The following GPR157 variants were observed in gnomAD, a reference collection of about 807,000 sequenced individuals.
GPR157 encodes G-protein coupled receptor 157.
Under a neutral mutation model 23.5 loss-of-function variants are expected in GPR157, and 16 were observed. The ratio of observed to expected loss-of-function variants is 0.68; its 90% confidence interval spans 0.46 to 1.04. The LOEUF is 1.04. Among genes scored for constraint, GPR157 ranks in the 50% least tolerant of loss-of-function variants. The pLI is 0.00. For synonymous variants in GPR157, 200 were observed against 221.5 expected (o/e 0.90, Z 0.86); for missense variants, 440 against 460.7 (o/e 0.96, Z 0.41).
intron 1 of GPR157, among the ~76,000 whole-genome samples, chr1:9,122,578 C>A (rs1162012964): frequency 6.6e-6 from 1 of 152,118 alleles, no homozygotes; most frequent in Non-Finnish European, 1.5e-5. Flanking sequence ...GTCCAAGTTG[C>A]TGGCCACCAG....
chr1:9,106,554 C>A (rs1638338277), intron 2 of GPR157, among the ~76,000 whole-genome samples: 1 of 152,270 alleles, frequency 6.6e-6, no homozygotes, highest in South Asian at 2.1e-4. Flanking sequence ...GGGCTCCGCA[C>A]TGGCTGCTCC....
Position 9,105,671 on chromosome 1 carries a change from G to A in GPR157, c.607C>T (p.Leu203Phe), listed in dbSNP as rs1249480443. The A allele has an allele frequency of 2.5e-6, 4 of 1,608,596 alleles. No homozygotes were observed. The highest frequency in any genetic ancestry group is 3.4e-6 in the Non-Finnish European group (4 of 1,177,116). The change falls in exon 3 of 4, where the codon CTC (leucine) becomes TTC (phenylalanine). Residue 203 changes from leucine to phenylalanine, a missense_variant. Leu to Phe is a conservative substitution (Grantham distance 22). Transcript: ENST00000377411. This position sits in a 1 kb window ranked among gnomAD's most constrained non-coding sequence, Gnocchi z 4.8. ...RKHINRAHTA[L>F]SEYRPILSQE... ...GAGAGGATGGGCCGGTACTCAGAGAGTGCCGTGTGCTGTGTGGGGACAGCG... is the reference window on the plus strand; with the variant it reads ...GAGAGGATGGGCCGGTACTCAGAGAATGCCGTGTGCTGTGTGGGGACAGCG...
At chr1:9,125,021 A>G (rs1262369219) in intron 1 of GPR157, among the ~76,000 whole-genome samples, 2 of 151,896 alleles carry the variant, frequency 1.3e-5, no homozygotes, top group African/African-American at 4.8e-5. Context: ...CCCCTGTTGG[A>G]CCCAGCTTTC....
At chr1:9,106,919 G>A (rs565522026) in intron 2 of GPR157, among the ~76,000 whole-genome samples, 47 of 152,214 alleles carry the variant, frequency 3.1e-4, no homozygotes, top group Admixed American at 5.9e-4. Context: ...AGCCAAGATC[G>A]CGCCACTGCA....
chr1:9,115,786 A>C (rs902808923), intron 1 of GPR157, among the ~76,000 whole-genome samples: 7 of 151,308 alleles, frequency 4.6e-5, no homozygotes, highest in African/African-American at 1.7e-4. Flanking sequence ...TTAAGTCTAG[A>C]TCAGGGGTCC....
intron 1 of GPR157, 72 bp from the exon 2 acceptor site, chr1:9,111,561 T>C (rs1185457167): frequency 3.1e-6 from 4 of 1,274,428 alleles, no homozygotes; most frequent in Non-Finnish European, 4.5e-6. Flanking sequence ...TTCGCAAAAA[T>C]GACGGAGGAC....
At chr1:9,117,373 G>C (rs998355655) in intron 1 of GPR157, among the ~76,000 whole-genome samples, 1 of 152,166 alleles carries the variant, frequency 6.6e-6, no homozygotes, top group Non-Finnish European at 1.5e-5. Flanking sequence ...TCCAGCCAGG[G>C]GGCCACCCTG....
At chr1:9,122,652 A>G (rs1258332839) in intron 1 of GPR157, among the ~76,000 whole-genome samples, 1 of 152,132 alleles carries the variant, frequency 6.6e-6, no homozygotes, top group Non-Finnish European at 1.5e-5. Context: ...ACCTGAACCC[A>G]CTTATGAGGA....
At chr1:9,122,093 G>A (rs1407504935) in intron 1 of GPR157, among the ~76,000 whole-genome samples, 3 of 152,136 alleles carry the variant, frequency 2.0e-5, no homozygotes, top group Non-Finnish European at 2.9e-5. Flanking sequence ...GCCCACCACC[G>A]TGAGGGGAGG....
chr1:9,123,352 AATTTAAATATAT>A (rs1557700880), intron 1 of GPR157, among the ~76,000 whole-genome samples: 1 of 24,414 alleles, frequency 4.1e-5, no homozygotes, highest in African/African-American at 1.4e-4. Context: ...ATATATATTT[AATTTAAATATAT>A]ATTTAAATTA....
At chr1:9,116,556 C>T (rs1319952306) in intron 1 of GPR157, among the ~76,000 whole-genome samples, 1 of 145,314 alleles carries the variant, frequency 6.9e-6, no homozygotes, top group Non-Finnish European at 1.5e-5. Context: ...GCCTGACCAA[C>T]ATGGTGAAAC....
At chr1:9,126,808 T>A (rs1359193214) in intron 1 of GPR157, among the ~76,000 whole-genome samples, 1 of 152,218 alleles carries the variant, frequency 6.6e-6, no homozygotes, top group Non-Finnish European at 1.5e-5. Context: ...TGGATACAGA[T>A]AATTTTATTT....
At position 9,116,731 on chromosome 1, in the gene GPR157, A is replaced by C. The variant is rs549010975; in HGVS notation, c.384-5242T>G. Among the ~76,000 whole-genome samples the C allele has an allele frequency of 3.6e-5, 4 of 110,010 alleles. No homozygotes were observed. In the South Asian group the frequency reaches 1.1e-3, roughly 31 times the overall value. The allele number at this position is 110,010 out of a possible 152,430, so 72.2% of individuals were successfully genotyped here. ...TGCACTCCAGCCTGGGTGACAGAGG[A>C]AAAAAAAAAAAAAAGCATTATTATT... On this transcript the variant is annotated intron_variant, in intron 1 of 3. Coordinates refer to ENST00000377411, the MANE Select transcript of GPR157 (RefSeq NM_024980.5).
Position 9,128,901 on chromosome 1 carries a change from G to A in GPR157, c.127C>T (p.Arg43Cys). ...VATHALWPDL[R>C]SRARRLLLFL... ...AGCAGCAGGCGCCGTGCCCGGCTGCGCAGGTCGGGCCACAGGGCGTGCGTG... is the reference window on the plus strand; with the variant it reads ...AGCAGCAGGCGCCGTGCCCGGCTGCACAGGTCGGGCCACAGGGCGTGCGTG... Residue 43 changes from arginine (R) to cysteine (C), a missense_variant, in exon 1 of 4, where the codon CGC becomes TGC. Arg to Cys is a radical substitution (Grantham distance 180). Coordinates refer to ENST00000377411, the MANE Select transcript of GPR157 (RefSeq NM_024980.5). The surrounding 1 kb of genome is among the most constrained non-coding windows in gnomAD (Gnocchi z 6.3). The A allele has an allele frequency of 2.6e-6, 4 of 1,549,730 alleles. No homozygotes were observed. Among genetic ancestry groups the A allele is most frequent in the East Asian group, 4.9e-5 (2 of 41,112 alleles).
chr1:9,124,586 C>A (rs1638925378), intron 1 of GPR157, among the ~76,000 whole-genome samples: 1 of 152,162 alleles, frequency 6.6e-6, no homozygotes, highest in Non-Finnish European at 1.5e-5. Context: ...TAAACGCCCT[C>A]ACCTATAAAC....
chr1:9,113,517 C>A (rs949444567), intron 1 of GPR157, among the ~76,000 whole-genome samples: 1 of 152,144 alleles, frequency 6.6e-6, no homozygotes, highest in Admixed American at 6.5e-5. Context: ...ATCCCCTCTG[C>A]AGCATTCTCC....
chr1:9,111,718 G>C (rs531946338), intron 1 of GPR157, among the ~76,000 whole-genome samples: 3 of 152,200 alleles, frequency 2.0e-5, no homozygotes, highest in Non-Finnish European at 4.4e-5. Flanking sequence ...GGGACAGCCA[G>C]CTCCCAGCGT....
At chr1:9,121,919 G>A (rs1197177199) in intron 1 of GPR157, among the ~76,000 whole-genome samples, 2 of 152,052 alleles carry the variant, frequency 1.3e-5, no homozygotes, top group African/African-American at 2.4e-5. Flanking sequence ...AGATGAACCG[G>A]CTCGGCCAGG....
intron 1 of GPR157, among the ~76,000 whole-genome samples, chr1:9,112,092 G>A (rs925946210): frequency 6.6e-6 from 1 of 152,254 alleles, no homozygotes; most frequent in Non-Finnish European, 1.5e-5. Context: ...TTTCAGGCCT[G>A]TGGTGCAGAC....
Sources: allele counts gnomAD v4.1 joint callset (sites outside exome capture counted in the v4.1 genomes callset), GRCh38; gene constraint gnomAD v4.1.1; non-coding constraint Gnocchi (gnomAD v3.1); transcripts MANE v1.5; gene names NCBI Gene and HGNC (gene_info 2026-07-23, HGNC 2026-07-21).